Variants in GMDS observed in about 807,000 individuals in gnomAD.
GMDS encodes GDP-mannose 4,6 dehydratase.
In GMDS, 20 loss-of-function variants were observed where a neutral mutation model predicts 49.9. The observed-to-expected ratio is 0.40, with a 90% CI of 0.28 to 0.58. The LOEUF (loss-of-function observed/expected upper bound fraction) is 0.58, where lower values mean the gene tolerates loss of function less well. GMDS is among the 20% of genes least tolerant of loss of function. The pLI, the probability that GMDS is intolerant of heterozygous loss-of-function variation, is 0.42. For missense variants in GMDS, 362 were observed against 481.4 expected (o/e 0.75, Z 2.32); for synonymous variants, 177 against 178.6 (o/e 0.99, Z 0.07).
chr6:2,062,749 A>G (rs751921630), intron 4 of GMDS, among the ~76,000 whole-genome samples: 60 of 152,360 alleles, frequency 3.9e-4, no homozygotes, highest in African/African-American at 1.4e-3. Context: ...GCATTAGTCT[A>G]AAACCTGTAT....
intron 9 of GMDS, among the ~76,000 whole-genome samples, chr6:1,652,328 T>G (rs1286131229): frequency 2.9e-4 from 34 of 116,252 alleles, no homozygotes; most frequent in South Asian, 2.7e-4. Flanking sequence ...GCTGAGATCG[T>G]GCCATTGCAC....
At chr6:2,216,939 G>A (rs9378686) in intron 1 of GMDS, among the ~76,000 whole-genome samples, 18,144 of 151,952 alleles carry the variant, frequency 0.12, 1,156 homozygotes, top group Middle Eastern at 0.23. Context: ...GAGCTCAGTG[G>A]TTCCTACTCC....
chr6:2,242,503 C>G (rs1251608323), intron 1 of GMDS, among the ~76,000 whole-genome samples: 1 of 152,242 alleles, frequency 6.6e-6, no homozygotes, highest in Non-Finnish European at 1.5e-5. Context: ...GCTGTCCGCA[C>G]TATTCTCAAG....
chr6:1,731,998 G>A (rs1253542376), intron 8 of GMDS, among the ~76,000 whole-genome samples: 1 of 152,340 alleles, frequency 6.6e-6, no homozygotes, highest in African/African-American at 2.4e-5. Context: ...GAAGGCATCT[G>A]TTAGCTCTAC....
At chr6:1,757,014 C>T (rs1767976844) in intron 7 of GMDS, among the ~76,000 whole-genome samples, 2 of 152,082 alleles carry the variant, frequency 1.3e-5, no homozygotes, top group African/African-American at 2.4e-5. Context: ...GAGGGGTTAC[C>T]GTAGCCATCT....
chr6:1,686,787 A>G (rs1436601970), intron 9 of GMDS, among the ~76,000 whole-genome samples: 1 of 152,238 alleles, frequency 6.6e-6, no homozygotes, highest in Non-Finnish European at 1.5e-5. Context: ...CAGGGCTGGC[A>G]ATGCTTTATA....
intron 8 of GMDS, among the ~76,000 whole-genome samples, chr6:1,738,188 CACACAT>C (rs1767123637): frequency 6.6e-6 from 1 of 151,454 alleles, no homozygotes; most frequent in African/African-American, 2.4e-5. Flanking sequence ...CACACATATA[CACACAT>C]ACACACACAC....
At chr6:1,789,540 T>C (rs1436990871) in intron 7 of GMDS, among the ~76,000 whole-genome samples, 2 of 45,468 alleles carry the variant, frequency 4.4e-5, no homozygotes, top group African/African-American at 1.8e-4. Context: ...TTCTTTTTTT[T>C]TTTTTTTTTT....
intron 7 of GMDS, among the ~76,000 whole-genome samples, chr6:1,824,037 C>T (rs557459157): frequency 7.9e-5 from 12 of 152,220 alleles, no homozygotes; most frequent in Admixed American, 1.3e-4. Context: ...CCTGTGTCTC[C>T]TGTGTGCTTA....
intron 1 of GMDS, among the ~76,000 whole-genome samples, chr6:2,226,269 A>C (rs1370428646): frequency 6.6e-6 from 1 of 152,198 alleles, no homozygotes; most frequent in Non-Finnish European, 1.5e-5. Context: ...GTGAAGTCAG[A>C]GACTCTTCTA....
At chr6:2,109,789 T>C (rs892121896) in intron 4 of GMDS, among the ~76,000 whole-genome samples, 1 of 152,246 alleles carries the variant, frequency 6.6e-6, no homozygotes, top group Non-Finnish European at 1.5e-5. Context: ...ACAGGGCCTG[T>C]AAAGGGCCGA....
chr6:2,173,519 G>A (rs1465534989), intron 1 of GMDS, among the ~76,000 whole-genome samples: 1 of 152,146 alleles, frequency 6.6e-6, no homozygotes, highest in African/African-American at 2.4e-5. Flanking sequence ...AGAGACTGGG[G>A]GCACAGAAGA....
At chr6:2,077,699 G>A (rs1772426437) in intron 4 of GMDS, among the ~76,000 whole-genome samples, 1 of 152,012 alleles carries the variant, frequency 6.6e-6, no homozygotes, top group South Asian at 2.1e-4. Context: ...TTCTGTCGAG[G>A]ATTTTTGAAT....
intron 7 of GMDS, among the ~76,000 whole-genome samples, chr6:1,888,035 A>C (rs1759689551): frequency 6.6e-6 from 1 of 151,820 alleles, no homozygotes; most frequent in African/African-American, 2.4e-5. Context: ...TGCAGCCTTG[A>C]CCGCCTGGGC....
At chr6:1,666,049 G>A (rs1168173591) in intron 9 of GMDS, among the ~76,000 whole-genome samples, 1 of 152,194 alleles carries the variant, frequency 6.6e-6, no homozygotes, top group East Asian at 1.9e-4. Context: ...ATCAGCAGAG[G>A]AGTGACAACG....
At chr6:2,136,083 T>C (rs576544021) in intron 1 of GMDS, among the ~76,000 whole-genome samples, 27 of 152,302 alleles carry the variant, frequency 1.8e-4, no homozygotes, top group Non-Finnish European at 3.4e-4. Context: ...TGTCGCACTA[T>C]TGTAAGTATT....
intron 9 of GMDS, among the ~76,000 whole-genome samples, chr6:1,685,015 C>G (rs1229305926): frequency 8.9e-6 from 1 of 112,194 alleles, no homozygotes; most frequent in Admixed American, 8.2e-5. Flanking sequence ...CTCTCTCCCC[C>G]CCCTTTTTTT....
chr6:1,952,230 T>C (rs1763377586), intron 6 of GMDS: 1 of 152,574 alleles, frequency 6.6e-6, no homozygotes, highest in Non-Finnish European at 1.5e-5. Context: ...GGCTGCTCCC[T>C]AGAAGCTCTT....
intron 9 of GMDS, among the ~76,000 whole-genome samples, chr6:1,634,688 C>T (rs1162100732): frequency 1.3e-5 from 2 of 152,018 alleles, no homozygotes; most frequent in Non-Finnish European, 2.9e-5. Context: ...GCATATGCTG[C>T]GATGCATGAG....
Sources: gnomAD v4.1 joint callset for allele counts (sites outside exome capture counted in the v4.1 genomes callset) on GRCh38, gnomAD v4.1.1 for gene constraint, MANE v1.5 for transcripts, NCBI Gene and HGNC (gene_info 2026-07-23, HGNC 2026-07-21) for gene names.